The following ODAD2 variants were observed in gnomAD, a reference collection of about 807,000 sequenced individuals.
ODAD2 encodes outer dynein arm docking complex subunit 2.
ODAD2 carries 89 observed loss-of-function variants against 106.8 expected under a neutral mutation model. The ratio of observed to expected loss-of-function variants is 0.83; its 90% confidence interval spans 0.70 to 0.99. The LOEUF (loss-of-function observed/expected upper bound fraction) is 0.99, where lower values mean the gene tolerates loss of function less well. Among genes scored for constraint, ODAD2 ranks in the 50% least tolerant of loss-of-function variants. The pLI is 0.00. For missense variants in ODAD2, 1,168 were observed against 1,238.5 expected (o/e 0.94, Z 0.85); for synonymous variants, 404 against 436.2 (o/e 0.93, Z 0.92).
intron 10 of ODAD2, among the ~76,000 whole-genome samples, chr10:27,953,388 T>C (rs1847503344): frequency 1.3e-5 from 2 of 152,198 alleles, no homozygotes; most frequent in Admixed American, 1.3e-4. Context: ...TCCCTATTAC[T>C]GCTATCAAAA....
intron 2 of ODAD2, among the ~76,000 whole-genome samples, chr10:27,988,212 A>G (rs1429827783): frequency 6.6e-6 from 1 of 151,836 alleles, no homozygotes; most frequent in East Asian, 1.9e-4. Flanking sequence ...AAATATTAAG[A>G]TGTTTTCATG....
At chr10:27,929,411 T>C (rs1472294253) in intron 16 of ODAD2, among the ~76,000 whole-genome samples, 1 of 152,194 alleles carries the variant, frequency 6.6e-6, no homozygotes, top group Non-Finnish European at 1.5e-5. Flanking sequence ...TTGTCAGTTG[T>C]ATTATTAAAT....
chr10:27,878,007 C>T (rs1841461255), intron 17 of ODAD2, among the ~76,000 whole-genome samples: 1 of 152,132 alleles, frequency 6.6e-6, no homozygotes, highest in Non-Finnish European at 1.5e-5. Flanking sequence ...TCACTATACA[C>T]TGTGCACTTA....
intron 1 of ODAD2, 142 bp downstream of exon 1, chr10:27,998,852 G>A (rs1438119133): frequency 6.6e-6 from 1 of 152,376 alleles, no homozygotes; most frequent in Non-Finnish European, 1.5e-5. Flanking sequence ...GCTAGGACGC[G>A]GGTCAACACT....
At chr10:27,942,783 C>G (rs1321913722) in intron 12 of ODAD2, among the ~76,000 whole-genome samples, 1 of 152,192 alleles carries the variant, frequency 6.6e-6, no homozygotes, top group African/African-American at 2.4e-5. Flanking sequence ...CCTGGAGTCT[C>G]TAATTAACAT....
At chr10:27,973,896 C>T (rs531632852) in intron 7 of ODAD2, among the ~76,000 whole-genome samples, 22 of 152,280 alleles carry the variant, frequency 1.4e-4, no homozygotes, top group Admixed American at 1.4e-3. Flanking sequence ...TTACACCCAC[C>T]AACAGTGTGT....
chr10:27,987,399 T>C lies in ODAD2; in HGVS notation c.369A>G (p.Gln123=). 1 of 1,613,490 alleles carries C rather than the reference T, an allele frequency of 6.2e-7. No individual in the cohort carries two copies. The part of the protein sequence containing the change: ...IAKTGKLKEA[Q]ACVEANRDPI... Reference sequence around the variant, plus strand: ...CATTAAGATCACCTTCAACACATGCTTGGGCTTCCTTCAACTTCCCAGTTT... The same window carrying C: ...CATTAAGATCACCTTCAACACATGCCTGGGCTTCCTTCAACTTCCCAGTTT... The change falls in exon 3 of 20, where the codon CAA becomes CAG. Residue 123 remains glutamine (Q), a synonymous_variant. Transcript: ENST00000305242.
At chr10:27,874,578 T>G (rs1841174630) in intron 17 of ODAD2, among the ~76,000 whole-genome samples, 1 of 152,202 alleles carries the variant, frequency 6.6e-6, no homozygotes, top group Non-Finnish European at 1.5e-5. Flanking sequence ...AGCATTTGCT[T>G]ATCTGTAAAG....
At chr10:27,916,055 A>T (rs1056107474) in intron 16 of ODAD2, among the ~76,000 whole-genome samples, 13 of 152,140 alleles carry the variant, frequency 8.5e-5, no homozygotes, top group Admixed American at 8.5e-4. Context: ...TGATTGAAGC[A>T]ATCTTTAGTG....
chr10:27,996,686 G>A (rs1850576021), intron 1 of ODAD2, among the ~76,000 whole-genome samples: 1 of 152,252 alleles, frequency 6.6e-6, no homozygotes, highest in South Asian at 2.1e-4. Context: ...TACCATAAAC[G>A]AAAAGAAGGT....
chr10:27,826,588 G>A (rs988663543), intron 19 of ODAD2, among the ~76,000 whole-genome samples: 9 of 151,894 alleles, frequency 5.9e-5, no homozygotes, highest in Admixed American at 2.0e-4. Context: ...ACAGATTCCC[G>A]CTGCAAGTGC....
chr10:27,816,025 G>A (rs1386722893), intron 19 of ODAD2, among the ~76,000 whole-genome samples: 5 of 152,034 alleles, frequency 3.3e-5, no homozygotes, highest in Admixed American at 6.6e-5. Context: ...TGTTCAAGAC[G>A]GAAATCTGCG....
chr10:27,877,902 A>C (rs1205123863), intron 17 of ODAD2, among the ~76,000 whole-genome samples: 1 of 152,226 alleles, frequency 6.6e-6, no homozygotes, highest in Admixed American at 6.5e-5. Context: ...GGGGGCATGA[A>C]ATTTTTGTTC....
intron 19 of ODAD2, among the ~76,000 whole-genome samples, chr10:27,826,169 G>A (rs992315403): frequency 6.6e-6 from 1 of 152,094 alleles, no homozygotes; most frequent in Non-Finnish European, 1.5e-5. Flanking sequence ...ACATCAAGAG[G>A]CACTGATCTA....
intron 17 of ODAD2, among the ~76,000 whole-genome samples, chr10:27,907,316 G>GTA (rs2133856283): frequency 6.6e-6 from 1 of 152,254 alleles, no homozygotes; most frequent in Non-Finnish European, 1.5e-5. Context: ...CCCCATGGCT[G>GTA]CACTCTCTCT....
chr10:27,986,827 A>G (rs1249361730), intron 3 of ODAD2, among the ~76,000 whole-genome samples: 1 of 151,632 alleles, frequency 6.6e-6, no homozygotes, highest in Non-Finnish European at 1.5e-5. Flanking sequence ...GAAGAAGAAA[A>G]ATATTTGCCA....
chr10:27,905,980 C>T (rs1167176419), intron 17 of ODAD2, among the ~76,000 whole-genome samples: 1 of 152,072 alleles, frequency 6.6e-6, no homozygotes, highest in African/African-American at 2.4e-5. Context: ...GACTAAAACA[C>T]CAAAAGCAAT....
Position 27,897,114 on chromosome 10 carries a change from TC to T in ODAD2, c.2610+10548del, listed in dbSNP as rs1842912174. 2.6e-5 allele frequency among the ~76,000 whole-genome samples: 4 copies of T among 152,154 alleles called. No homozygotes were observed. The South Asian group carries it at 8.3e-4, about 32-fold the overall frequency. On this transcript the variant is annotated intron_variant, in intron 17 of 19. Coordinates refer to ENST00000305242, the MANE Select transcript of ODAD2 (RefSeq NM_018076.5). ...TCCCTCCCTCTTGATTTCTCTCCTT[TC>T]TTGGCTTTTTTGTAATCAAGTTCTC...
intron 19 of ODAD2, among the ~76,000 whole-genome samples, chr10:27,829,651 A>C (rs1837325095): frequency 6.6e-6 from 1 of 152,108 alleles, no homozygotes; most frequent in African/African-American, 2.4e-5. Context: ...GTTTCTACCC[A>C]CTCTGAAAAA....
Sources: allele counts gnomAD v4.1 joint callset (sites outside exome capture counted in the v4.1 genomes callset), GRCh38; gene constraint gnomAD v4.1.1; transcripts MANE v1.5; gene names NCBI Gene and HGNC (gene_info 2026-07-23, HGNC 2026-07-21).